The following CPEB3 variants were observed in gnomAD, a reference collection of about 807,000 sequenced individuals.
The protein encoded by CPEB3 is cytoplasmic polyadenylation element binding protein 3, also known as cytoplasmic polyadenylation element-binding protein 3.
In CPEB3, 20 loss-of-function variants were observed where a neutral mutation model predicts 67.2. The ratio of observed to expected loss-of-function variants is 0.30; its 90% CI spans 0.21 to 0.43. CPEB3 has a LOEUF of 0.43. CPEB3 is among the 20% of genes least tolerant of loss of function. CPEB3 has a pLI of 1.00. For synonymous variants in CPEB3, 376 were observed against 393.1 expected, an observed-to-expected ratio of 0.96 and a Z score of 0.51; for missense variants, 746 against 968.6, an observed-to-expected ratio of 0.77 and a Z score of 3.05.
chr10:92,136,556 G>A (rs1846105926), intron 6 of CPEB3, among the ~76,000 whole-genome samples: 1 of 151,980 alleles, frequency 6.6e-6, no homozygotes, highest in Non-Finnish European at 1.5e-5. Flanking sequence ...GTCTGAGAGT[G>A]AGTATTTCTT....
rs142584571 is a variant in CPEB3 at position 92,167,777 on chromosome 10, G to A, written c.1222+13186C>T. ...ATAAAAATTAGCCAGGTGTGGTGGC[G>A]CACACCTGTAGTCCCAGCTACTCGG... On this transcript the variant is annotated intron_variant, in intron 4 of 9. Transcript: ENST00000265997. Among the ~76,000 whole-genome samples the A allele has an allele frequency of 7.5e-4, 114 of 152,066 alleles. 1 individual carries two copies. The East Asian group carries it at 0.013, about 17-fold the overall frequency.
intron 2 of CPEB3, among the ~76,000 whole-genome samples, chr10:92,194,308 T>C (rs1317799404): frequency 2.0e-5 from 3 of 151,710 alleles, no homozygotes; most frequent in Admixed American, 6.6e-5. Flanking sequence ...GGCATGCTGG[T>C]GCGTGCCTGT....
At chr10:92,157,051 A>G (rs1847240666) in intron 4 of CPEB3, among the ~76,000 whole-genome samples, 1 of 152,230 alleles carries the variant, frequency 6.6e-6, no homozygotes, top group African/African-American at 2.4e-5. Flanking sequence ...TAAAGAGCCA[A>G]AAGACACAGA....
intron 7 of CPEB3, among the ~76,000 whole-genome samples, chr10:92,097,176 CT>C (rs34013056): frequency 0.26 from 39,422 of 152,118 alleles, 6,189 homozygotes; most frequent in Admixed American, 0.36. Context: ...TATTGTCAGA[CT>C]TTTTCCATTT....
intron 1 of CPEB3, among the ~76,000 whole-genome samples, chr10:92,274,219 A>G (rs938497366): frequency 6.6e-6 from 1 of 152,192 alleles, no homozygotes; most frequent in South Asian, 2.1e-4. Context: ...AGGGCCCAAC[A>G]CATGCCCATT....
At chr10:92,130,528 T>C (rs1336490386) in intron 6 of CPEB3, among the ~76,000 whole-genome samples, 2 of 152,124 alleles carry the variant, frequency 1.3e-5, no homozygotes, top group African/African-American at 4.8e-5. Context: ...CAATGGGTCA[T>C]TAAATGTCTT....
At chr10:92,066,394 G>T (rs1308994568) in intron 9 of CPEB3, among the ~76,000 whole-genome samples, 1 of 148,836 alleles carries the variant, frequency 6.7e-6, no homozygotes, top group African/African-American at 2.6e-5. Flanking sequence ...AAAATAAATA[G>T]ATAGACAGAT....
chr10:92,166,274 A>G (rs535816745), intron 4 of CPEB3, among the ~76,000 whole-genome samples: 4 of 151,980 alleles, frequency 2.6e-5, no homozygotes, highest in Non-Finnish European at 4.4e-5. Context: ...ATGCACGGCT[A>G]ATTTTTGTAT....
At chr10:92,168,715 C>T (rs1011402629) in intron 4 of CPEB3, among the ~76,000 whole-genome samples, 2 of 151,942 alleles carry the variant, frequency 1.3e-5, no homozygotes, top group Non-Finnish European at 1.5e-5. Flanking sequence ...GTGTTTGCTT[C>T]CCCTTCTGCC....
intron 6 of CPEB3, among the ~76,000 whole-genome samples, chr10:92,133,715 AAG>A (rs1845953013): frequency 6.6e-6 from 1 of 152,196 alleles, no homozygotes; most frequent in East Asian, 1.9e-4. Context: ...ACAACAAAAA[AAG>A]AGAATTTTAG....
intron 2 of CPEB3, among the ~76,000 whole-genome samples, chr10:92,201,038 A>G (rs1277349802): frequency 1.3e-5 from 2 of 152,192 alleles, no homozygotes; most frequent in Admixed American, 1.3e-4. Flanking sequence ...GTTCATAGTT[A>G]AGTACATATG....
At chr10:92,124,853 GAAAT>G (rs1226954472) in intron 6 of CPEB3, among the ~76,000 whole-genome samples, 1 of 152,212 alleles carries the variant, frequency 6.6e-6, no homozygotes, top group Non-Finnish European at 1.5e-5. Context: ...GAAGGAAAAA[GAAAT>G]AAATGCTACA....
At chr10:92,260,343 G>A (rs889674168) in intron 1 of CPEB3, among the ~76,000 whole-genome samples, 6 of 152,018 alleles carry the variant, frequency 3.9e-5, no homozygotes, top group Admixed American at 3.9e-4. Flanking sequence ...CTGAGGTCAG[G>A]AGCTTGAGAA....
At chr10:92,210,898 G>A (rs1404559515) in intron 2 of CPEB3, among the ~76,000 whole-genome samples, 4 of 152,114 alleles carry the variant, frequency 2.6e-5, no homozygotes, top group Non-Finnish European at 4.4e-5. Flanking sequence ...TTAGCCAGGC[G>A]TGGTGGCACA....
intron 1 of CPEB3, among the ~76,000 whole-genome samples, chr10:92,268,948 C>G (rs1372858419): frequency 6.6e-6 from 1 of 152,110 alleles, no homozygotes; most frequent in East Asian, 1.9e-4. Context: ...ATGGGGAAGT[C>G]AGGATTAGTC....
intron 7 of CPEB3, among the ~76,000 whole-genome samples, chr10:92,106,084 G>A (rs1844436731): frequency 1.3e-5 from 2 of 151,842 alleles, no homozygotes; most frequent in African/African-American, 4.8e-5. Context: ...ATAGAGACAG[G>A]ATTTTACCAT....
At chr10:92,105,699 T>C (rs1392200519) in intron 7 of CPEB3, among the ~76,000 whole-genome samples, 3 of 151,076 alleles carry the variant, frequency 2.0e-5, no homozygotes, top group Admixed American at 6.6e-5. Context: ...TGTGTATTTA[T>C]ATACTTGTTT....
chr10:92,193,774 T>C (rs550280923), intron 2 of CPEB3, among the ~76,000 whole-genome samples: 33 of 152,096 alleles, frequency 2.2e-4, no homozygotes, highest in African/African-American at 7.2e-4. Flanking sequence ...TGAAAATGTA[T>C]TGGATATCTT....
In CPEB3 at chr10:92,069,266, CAG is replaced by C. The variant is rs533140628; in HGVS notation, c.1869+12052_1869+12053del. On this transcript the variant is annotated intron_variant, in intron 9 of 9. Coordinates refer to ENST00000265997, the MANE Select transcript of CPEB3 (RefSeq NM_014912.5). ...AAATGCCCAACATGTGTCAACTAAACAGAGAGAGAAAAAAAGATTAAATATAT... is the reference window on the plus strand; with the variant it reads ...AAATGCCCAACATGTGTCAACTAAACAGAGAGAAAAAAAGATTAAATATAT... Among the ~76,000 whole-genome samples, 3 of 152,016 alleles carry C rather than the reference CAG, an allele frequency of 2.0e-5. No individual in the cohort carries two copies. In the South Asian group the frequency reaches 6.2e-4, roughly 32 times the overall value.
Sources: gnomAD v4.1 joint callset for allele counts (sites outside exome capture counted in the v4.1 genomes callset) on GRCh38, gnomAD v4.1.1 for gene constraint, MANE v1.5 for transcripts, NCBI Gene and HGNC (gene_info 2026-07-23, HGNC 2026-07-21) for gene names.